The following ARHGEF3 variants were observed in gnomAD, a reference collection of about 807,000 sequenced individuals.
ARHGEF3 encodes Rho guanine nucleotide exchange factor 3.
ARHGEF3 carries 28 observed loss-of-function variants against 63.2 expected under a neutral mutation model. That is an observed-to-expected ratio of 0.44 (90% CI 0.33 to 0.61). The LOEUF (loss-of-function observed/expected upper bound fraction) is 0.61. ARHGEF3 is among the 20% of genes least tolerant of loss of function. The probability of loss-of-function intolerance (pLI) is 0.03; values close to 1 mark genes in which losing one functional copy is unlikely to be tolerated. For missense variants in ARHGEF3, 533 were observed against 659.3 expected (o/e 0.81, Z 2.10); for synonymous variants, 266 against 254.2 (o/e 1.05, Z -0.44).
chr3:56,883,188 C>A (rs1385387978), intron 3 of ARHGEF3, among the ~76,000 whole-genome samples: 1 of 152,102 alleles, frequency 6.6e-6, no homozygotes, highest in Non-Finnish European at 1.5e-5. Flanking sequence ...TGCTTTATAG[C>A]CATATGATTT....
intron 1 of ARHGEF3, among the ~76,000 whole-genome samples, chr3:57,057,301 C>A (rs150516626): frequency 6.6e-6 from 1 of 151,810 alleles, no homozygotes; most frequent in East Asian, 1.9e-4. Flanking sequence ...TAGTAGAGAG[C>A]GGTTTTGCCA....
chr3:56,917,576 C>T (rs976879895), intron 3 of ARHGEF3, among the ~76,000 whole-genome samples: 4 of 152,046 alleles, frequency 2.6e-5, no homozygotes, highest in African/African-American at 9.7e-5. Flanking sequence ...TTCACGTTGC[C>T]AGAAATTTGC....
chr3:56,741,651 C>A (rs1227685086), intron 7 of ARHGEF3, among the ~76,000 whole-genome samples: 1 of 151,592 alleles, frequency 6.6e-6, no homozygotes, highest in Non-Finnish European at 1.5e-5. Flanking sequence ...CTACAGGCGC[C>A]TGCCACCACG....
intron 2 of ARHGEF3, among the ~76,000 whole-genome samples, chr3:56,980,173 G>C (rs577019328): frequency 2.6e-5 from 4 of 152,182 alleles, no homozygotes; most frequent in African/African-American, 9.7e-5. Context: ...CAATAAGTAA[G>C]GCAGTAGCAA....
Position 56,957,406 on chromosome 3 carries a change from G to A in ARHGEF3, c.129+1417C>T, listed in dbSNP as rs115044717. 3.3e-3 allele frequency among the ~76,000 whole-genome samples: 504 copies of A among 152,302 alleles called. 5 individuals carry two copies. The highest frequency in any genetic ancestry group is 0.011 in the African/African-American group (453 of 41,554). On this transcript the variant is annotated intron_variant, in intron 3 of 12. Transcript: ENST00000338458. ...AAACGCAATCTAAAGGTAACATGTG[G>A]ATGGATGCAAGAAAAGTATTTGGTA...
chr3:56,911,746 C>T (rs1453183724), intron 3 of ARHGEF3, among the ~76,000 whole-genome samples: 5 of 152,078 alleles, frequency 3.3e-5, no homozygotes, highest in Non-Finnish European at 7.3e-5. Context: ...AATCAAACTA[C>T]GTCCATGTTT....
chr3:56,927,076 G>A (rs571444491), intron 3 of ARHGEF3, among the ~76,000 whole-genome samples: 9 of 152,250 alleles, frequency 5.9e-5, no homozygotes, highest in Non-Finnish European at 1.3e-4. Flanking sequence ...GGAGTTCTAA[G>A]CCAGATAACC....
chr3:56,968,260 T>A (rs1700732631), intron 2 of ARHGEF3, among the ~76,000 whole-genome samples: 1 of 29,528 alleles, frequency 3.4e-5, no homozygotes, highest in Non-Finnish European at 8.0e-5. Context: ...ATATAATATT[T>A]AAATATATAA....
chr3:57,014,359 C>G (rs970282167), intron 2 of ARHGEF3, among the ~76,000 whole-genome samples: 8 of 152,184 alleles, frequency 5.3e-5, no homozygotes, highest in African/African-American at 1.7e-4. Flanking sequence ...GCCTTAACCA[C>G]TACAGCACCT....
In ARHGEF3 at chr3:56,744,397, C is replaced by CTTTT. The variant is rs34368516; in HGVS notation, c.870+804_870+807dup. 2.4e-3 allele frequency among the ~76,000 whole-genome samples: 300 copies of CTTTT among 124,470 alleles called. 3 individuals carry two copies. Among genetic ancestry groups the CTTTT allele is most frequent in the African/African-American group, 9.4e-3 (286 of 30,298 alleles). The allele number at this position is 124,470 out of a possible 152,430, so 81.7% of individuals were successfully genotyped here. On this transcript the variant is annotated intron_variant, in intron 7 of 9. Transcript: ENST00000296315. ...ATTACCCAGCCCACACTCAATAAAC[C>CTTTT]TTTTTTTTTTTTTTTTTGAGACAAG...
intron 4 of ARHGEF3, among the ~76,000 whole-genome samples, chr3:56,868,955 T>C (rs2040346177): frequency 6.6e-6 from 1 of 152,190 alleles, no homozygotes; most frequent in Non-Finnish European, 1.5e-5. Context: ...GTGGACGCGC[T>C]GAGTGAATGC....
chr3:56,921,581 G>A (rs952051307), intron 3 of ARHGEF3, among the ~76,000 whole-genome samples: 1 of 152,174 alleles, frequency 6.6e-6, no homozygotes, highest in Admixed American at 6.5e-5. Context: ...CTGGAAGGGT[G>A]GTTAATCCAA....
chr3:56,866,943 T>G (rs2040270939), intron 4 of ARHGEF3, among the ~76,000 whole-genome samples: 1 of 152,272 alleles, frequency 6.6e-6, no homozygotes, highest in South Asian at 2.1e-4. Flanking sequence ...CACATCCATA[T>G]GAAATCATGT....
chr3:56,803,915 T>G (rs182911068), upstream of ARHGEF3, among the ~76,000 whole-genome samples: 94 of 151,620 alleles, frequency 6.2e-4, no homozygotes, highest in African/African-American at 2.2e-3. Context: ...GATAGGGTCT[T>G]GCTTTGTTGC....
At chr3:56,746,388 T>C (rs745850055) in intron 6 of ARHGEF3, among the ~76,000 whole-genome samples, 1 of 152,202 alleles carries the variant, frequency 6.6e-6, no homozygotes, top group Non-Finnish European at 1.5e-5. Flanking sequence ...GCATGTTTAA[T>C]GGATTACAAG....
chr3:56,739,871 A>G (rs1002284584), intron 7 of ARHGEF3, among the ~76,000 whole-genome samples: 5 of 151,704 alleles, frequency 3.3e-5, no homozygotes, highest in Admixed American at 2.6e-4. Context: ...CACAATCTGT[A>G]TATTTTTGTA....
chr3:56,917,627 A>G (rs1578839678), intron 3 of ARHGEF3, among the ~76,000 whole-genome samples: 2 of 152,178 alleles, frequency 1.3e-5, no homozygotes, highest in African/African-American at 4.8e-5. Context: ...GAGCTTGGCA[A>G]ATGCATTTTC....
At chr3:56,741,590 G>A (rs1370813969) in intron 7 of ARHGEF3, among the ~76,000 whole-genome samples, 3 of 126,250 alleles carry the variant, frequency 2.4e-5, no homozygotes, top group Admixed American at 2.1e-4. Context: ...TGCAAGCTCC[G>A]CCTCCCAGGT....
chr3:56,891,885 T>G (rs2041135028), intron 3 of ARHGEF3, among the ~76,000 whole-genome samples: 1 of 152,170 alleles, frequency 6.6e-6, no homozygotes, highest in Non-Finnish European at 1.5e-5. Context: ...AAAAGTCTAC[T>G]CATTAATTTG....
Sources: allele counts gnomAD v4.1 joint callset (sites outside exome capture counted in the v4.1 genomes callset), GRCh38; gene constraint gnomAD v4.1.1; transcripts MANE v1.5; gene names NCBI Gene and HGNC (gene_info 2026-07-23, HGNC 2026-07-21).